The following ALDH18A1 variants were observed in gnomAD, a reference collection of about 807,000 sequenced individuals.
The protein encoded by ALDH18A1 is delta-1-pyrroline-5-carboxylate synthase.
Under a neutral mutation model 88.8 loss-of-function variants are expected in ALDH18A1, and 44 were observed. That is an observed-to-expected ratio of 0.50 (90% confidence interval 0.39 to 0.64). ALDH18A1 has a LOEUF of 0.64. Among genes scored for constraint, ALDH18A1 ranks in the 30% least tolerant of loss-of-function variants. ALDH18A1 has a pLI of 0.00. For synonymous variants in ALDH18A1, 331 were observed against 372.1 expected (o/e 0.89, Z 1.27); for missense variants, 782 against 1,009.5 (o/e 0.77, Z 3.05).
chr10:95,654,091 G>T (rs1012623189), intron 1 of ALDH18A1, among the ~76,000 whole-genome samples: 1 of 151,384 alleles, frequency 6.6e-6, no homozygotes, highest in African/African-American at 2.4e-5. Context: ...TTTAGACAAA[G>T]AATAGTTTAT....
chr10:95,622,502 GA>G (rs368813427), intron 11 of ALDH18A1, among the ~76,000 whole-genome samples: 2 of 149,206 alleles, frequency 1.3e-5, no homozygotes, highest in Non-Finnish European at 3.0e-5. Context: ...ATGCTTGGCT[GA>G]AAAAAAAATA....
chr10:95,620,966 C>A (rs1414130775), intron 12 of ALDH18A1, 65 bp downstream of exon 12: 10 of 1,383,314 alleles, frequency 7.2e-6, no homozygotes, highest in East Asian at 2.4e-5. Flanking sequence ...AAAATATATT[C>A]TTCCTCCAAT....
Position 95,613,748 on chromosome 10 carries a change from C to T in ALDH18A1, c.1917G>A (p.Val639=). 1 of 1,614,088 alleles carries T rather than the reference C, an allele frequency of 6.2e-7. No individual in the cohort carries two copies. Among genetic ancestry groups the T allele is most frequent in the Non-Finnish European group, 8.5e-7 (1 of 1,180,016 alleles). ...AGTCCTATGGAACTCTTACCTGTTC[C>T]ACTCTCAGCATATCAATGATCTGGT... is the stretch of plus-strand genomic sequence containing the variant. ...LFDQIIDMLR[V]EQVKIHAGPK... Residue 639 remains valine (V), a synonymous_variant, in exon 15 of 18, where the codon GTG becomes GTA. Transcript: ENST00000371224.
chr10:95,610,342 TC>T, intron 16 of ALDH18A1, 50 bp from the exon 17 acceptor site: 1 of 1,580,750 alleles, frequency 6.3e-7, no homozygotes, highest in Middle Eastern at 1.7e-4. Flanking sequence ...CCAGAGAACA[TC>T]CCTGTTTCCA....
Position 95,616,614 on chromosome 10 carries a change from C to T in ALDH18A1, c.1468G>A (p.Val490Met). 2 of 1,605,486 alleles carry T rather than the reference C, an allele frequency of 1.2e-6. No homozygotes were observed. The highest frequency in any genetic ancestry group is 1.7e-6 in the Non-Finnish European group (2 of 1,176,052). The change falls in exon 13 of 18, where the codon GTG becomes ATG. Residue 490 changes from valine to methionine, a missense_variant and splice_region_variant. Physicochemically the swap from Val to Met is conservative, Grantham distance 21. Coordinates refer to ENST00000371224, the MANE Select transcript of ALDH18A1 (RefSeq NM_002860.4). ...FESRPDCLPQ[V>M]AALAIASGNG... ...CCACTTGCGATAGCCAAAGCTGCCA[C>T]CTGCAGATCAAAGGGAGAGCAGTGG...
At chr10:95,627,654 A>G in intron 8 of ALDH18A1, 68 bp from the exon 9 acceptor site, 1 of 1,567,934 alleles carries the variant, frequency 6.4e-7, no homozygotes, top group South Asian at 1.1e-5. Flanking sequence ...TAAACTTGCA[A>G]AAAGATATAA....
chr10:95,656,022 G>T (rs2097917498), intron 1 of ALDH18A1, among the ~76,000 whole-genome samples: 1 of 152,196 alleles, frequency 6.6e-6, no homozygotes, highest in South Asian at 2.1e-4. Context: ...ATGTGGGTGC[G>T]TCCTGCTGTA....
At position 95,621,178 on chromosome 10, in the gene ALDH18A1, C is replaced by T. The variant is rs537092003; in HGVS notation, c.1320G>A (p.Leu440=). ...CCTGGGAGGAGGCTGCGATCTGTCG[C>T]AGACCGATGGCCAGGCTGTTCAATT... The part of the protein sequence containing the change: ...TSKLNSLAIG[L]RQIAASSQDS... The change falls in exon 12 of 18, where the codon CTG becomes CTA. Residue 440 remains leucine (L), a synonymous_variant. Coordinates refer to ENST00000371224, the MANE Select transcript of ALDH18A1 (RefSeq NM_002860.4). 8.7e-6 allele frequency: 14 copies of T among 1,614,010 alleles called. No homozygotes were observed. Among genetic ancestry groups the T allele is most frequent in the Middle Eastern group, 1.6e-4 (1 of 6,064 alleles).
Position 95,653,289 on chromosome 10 carries a change from C to G in ALDH18A1, c.88+1G>C. 1.9e-6 allele frequency: 3 copies of G among 1,609,376 alleles called. No homozygotes were observed. Among genetic ancestry groups the G allele is most frequent in the Non-Finnish European group, 2.5e-6 (3 of 1,177,324 alleles). ...ACTCATAAGTTTTCTATGGTACATA[C>G]GAGATCTGAAGACGGTTGTACACTT... is the stretch of plus-strand genomic sequence containing the variant. On this transcript the variant is annotated splice_donor_variant, in intron 2 of 17. Transcript: ENST00000371224. LOFTEE classifies it high-confidence loss of function.
intron 3 of ALDH18A1, among the ~76,000 whole-genome samples, chr10:95,640,465 C>A (rs1213467223): frequency 1.3e-5 from 2 of 152,134 alleles, no homozygotes; most frequent in East Asian, 3.9e-4. Context: ...CTTCAGCCTA[C>A]CAAGTAGCTA....
At chr10:95,635,161 A>G (rs1327762543) in intron 5 of ALDH18A1, among the ~76,000 whole-genome samples, 15 of 152,158 alleles carry the variant, frequency 9.9e-5, no homozygotes, top group Admixed American at 9.8e-4. Context: ...AATAAAATGG[A>G]GCATATTTTT....
At chr10:95,629,888 G>C (rs567018959) in intron 7 of ALDH18A1, among the ~76,000 whole-genome samples, 15 of 152,202 alleles carry the variant, frequency 9.9e-5, no homozygotes, top group Admixed American at 7.9e-4. Flanking sequence ...CGATTTGCTA[G>C]AGTCTTGTTC....
At chr10:95,621,600 C>T (rs1252864645) in intron 11 of ALDH18A1, among the ~76,000 whole-genome samples, 1 of 152,132 alleles carries the variant, frequency 6.6e-6, no homozygotes, top group Non-Finnish European at 1.5e-5. Context: ...GTGCGAGCCA[C>T]CGTGCCTGGC....
chr10:95,616,289 T>C (rs542306864), intron 13 of ALDH18A1, among the ~76,000 whole-genome samples, 188 bp downstream of exon 13: 61 of 152,330 alleles, frequency 4.0e-4, no homozygotes, highest in African/African-American at 1.3e-3. Flanking sequence ...GGAGGGGCCT[T>C]CCTAAGCCAC....
In ALDH18A1 at chr10:95,637,398, C is replaced by T. The variant is rs774517382; in HGVS notation, c.342G>A (p.Leu114=). The T allele has an allele frequency of 1.2e-6, 2 of 1,614,216 alleles. No individual in the cohort carries two copies. Among genetic ancestry groups the T allele is most frequent in the Non-Finnish European group, 1.7e-6 (2 of 1,180,034 alleles). Residue 114 remains leucine, a synonymous_variant, in exon 4 of 18, where the codon CTG becomes CTA. Coordinates refer to ENST00000371224, the MANE Select transcript of ALDH18A1 (RefSeq NM_002860.4). ...VLQNQGREMM[L]VTSGAVAFGK... ...CAAAGGCTACGGCTCCACTGGTCACCAGCATCATCTCTCTGCCCTGATTCT... is the reference window on the plus strand; with the variant it reads ...CAAAGGCTACGGCTCCACTGGTCACTAGCATCATCTCTCTGCCCTGATTCT...
intron 2 of ALDH18A1, among the ~76,000 whole-genome samples, chr10:95,648,322 CA>C (rs1192978454): frequency 3.2e-4 from 2 of 6,348 alleles, no homozygotes; most frequent in African/African-American, 1.0e-3. Flanking sequence ...ATTCTACCTT[CA>C]TCATCATCAT....
intron 12 of ALDH18A1, among the ~76,000 whole-genome samples, chr10:95,620,652 T>A (rs897813645): frequency 2.6e-5 from 4 of 151,812 alleles, no homozygotes; most frequent in African/African-American, 7.2e-5. Context: ...TGAAGCTGCA[T>A]GATTCTCTTG....
Position 95,653,307 on chromosome 10 carries a change from G to A in ALDH18A1, c.71C>T (p.Thr24Ile), listed in dbSNP as rs1423230103. ...GTACATACGAGATCTGAAGACGGTT[G>A]TACACTTGACCCAGGGCAGAAGATG... is the stretch of plus-strand genomic sequence containing the variant. Reference protein sequence around the residue: ...NQHLLPWVKCTTVFRSHCIQP... With the variant: ...NQHLLPWVKCITVFRSHCIQP... Residue 24 changes from threonine to isoleucine, a missense_variant, in exon 2 of 18, where the codon ACA (threonine) becomes ATA (isoleucine). Transcript: ENST00000371224. 1.9e-6 allele frequency: 3 copies of A among 1,612,292 alleles called. No homozygotes were observed. The highest frequency in any genetic ancestry group is 2.5e-6 in the Non-Finnish European group (3 of 1,179,714).
intron 15 of ALDH18A1, among the ~76,000 whole-genome samples, chr10:95,613,073 T>C (rs2097838220): frequency 6.6e-6 from 1 of 152,266 alleles, no homozygotes; most frequent in Non-Finnish European, 1.5e-5. Flanking sequence ...AAGTGTACTA[T>C]GACATCAGAA....
Sources: allele counts gnomAD v4.1 joint callset (sites outside exome capture counted in the v4.1 genomes callset), GRCh38; gene constraint gnomAD v4.1.1; transcripts MANE v1.5; gene names NCBI Gene and HGNC (gene_info 2026-07-23, HGNC 2026-07-21).